Variants in PABPC4L observed in about 807,000 individuals in gnomAD.
The protein encoded by PABPC4L is polyadenylate-binding protein 4-like.
For missense variants in PABPC4L, 452 were observed against 451.4 expected (o/e 1.00, Z -0.01); for synonymous variants, 169 against 164.1 (o/e 1.03, Z -0.23).
chr4:134,162,769 G>A, the PABPC4L span, among the ~76,000 whole-genome samples: 1 of 152,004 alleles, frequency 6.6e-6, no homozygotes, highest in Non-Finnish European at 1.5e-5. Flanking sequence ...TGATTTTGGG[G>A]TTAACAATGA....
the PABPC4L span, among the ~76,000 whole-genome samples, chr4:133,976,995 A>G: frequency 6.6e-6 from 1 of 152,138 alleles, no homozygotes; most frequent in Non-Finnish European, 1.5e-5. Context: ...GCCCATGTCT[A>G]TGTCCTGAAT....
the PABPC4L span, among the ~76,000 whole-genome samples, chr4:134,149,686 A>G: frequency 6.6e-6 from 1 of 152,220 alleles, no homozygotes; most frequent in Non-Finnish European, 1.5e-5. Flanking sequence ...AGCAAATGCT[A>G]TAAGACTAGG....
the PABPC4L span, among the ~76,000 whole-genome samples, chr4:134,072,148 C>T: frequency 6.6e-6 from 1 of 152,064 alleles, no homozygotes; most frequent in Non-Finnish European, 1.5e-5. Context: ...CAACCAATGA[C>T]ATAAATCACA....
the PABPC4L span, among the ~76,000 whole-genome samples, chr4:134,151,403 G>T: frequency 1.3e-5 from 2 of 152,138 alleles, no homozygotes; most frequent in East Asian, 3.9e-4. Flanking sequence ...CTAAATTTTT[G>T]TTGGTGTTGT....
chr4:134,151,982 C>G, the PABPC4L span, among the ~76,000 whole-genome samples: 2 of 151,720 alleles, frequency 1.3e-5, no homozygotes, highest in Non-Finnish European at 2.9e-5. Flanking sequence ...CATTTTATGT[C>G]CATATCAATT....
At chr4:133,991,939 A>G in the PABPC4L span, among the ~76,000 whole-genome samples, 1 of 152,224 alleles carries the variant, frequency 6.6e-6, no homozygotes, top group East Asian at 1.9e-4. Context: ...ATGAATGGGT[A>G]GTGCAAATCA....
At chr4:134,090,968 G>T in the PABPC4L span, among the ~76,000 whole-genome samples, 1 of 151,628 alleles carries the variant, frequency 6.6e-6, no homozygotes, top group Admixed American at 6.6e-5. Context: ...AATTTTTCTG[G>T]TAATTTTTAC....
At chr4:134,082,973 A>C in the PABPC4L span, among the ~76,000 whole-genome samples, 33 of 152,276 alleles carry the variant, frequency 2.2e-4, no homozygotes, top group Admixed American at 6.5e-4. Context: ...CTGCATGAGC[A>C]CTGGGGTTAG....
chr4:134,116,050 C>G, the PABPC4L span, among the ~76,000 whole-genome samples: 1 of 151,756 alleles, frequency 6.6e-6, no homozygotes, highest in Non-Finnish European at 1.5e-5. Context: ...ATAATTGCAG[C>G]ATAAGTGGAT....
chr4:134,158,115 T>C, the PABPC4L span, among the ~76,000 whole-genome samples: 2 of 151,908 alleles, frequency 1.3e-5, no homozygotes, highest in African/African-American at 4.8e-5. Flanking sequence ...TAAATTTTAC[T>C]GGGGAATTTT....
the PABPC4L span, among the ~76,000 whole-genome samples, chr4:133,988,333 T>A: frequency 6.6e-6 from 1 of 152,180 alleles, no homozygotes; most frequent in African/African-American, 2.4e-5. Context: ...CTTCTGCCCA[T>A]GAGCCAGTAA....
chr4:134,014,689 G>A, the PABPC4L span, among the ~76,000 whole-genome samples: 40 of 151,954 alleles, frequency 2.6e-4, no homozygotes, highest in African/African-American at 7.7e-4. Context: ...AGACCATCAC[G>A]GATGCCGAGC....
At chr4:134,186,926 A>G in the PABPC4L span, among the ~76,000 whole-genome samples, 1 of 152,234 alleles carries the variant, frequency 6.6e-6, no homozygotes, top group Non-Finnish European at 1.5e-5. Context: ...TATGCAGCCA[A>G]CAGACTCATG....
the PABPC4L span, among the ~76,000 whole-genome samples, chr4:134,102,824 ATATT>A: frequency 1.3e-5 from 2 of 151,548 alleles, no homozygotes; most frequent in Non-Finnish European, 3.0e-5. Flanking sequence ...ATTTCTATAT[ATATT>A]TAAGTCTAAA....
At chr4:134,042,913 A>G in the PABPC4L span, among the ~76,000 whole-genome samples, 2 of 152,134 alleles carry the variant, frequency 1.3e-5, no homozygotes, top group Non-Finnish European at 2.9e-5. Flanking sequence ...TTTTCCTGTC[A>G]TTAAAATAAA....
the PABPC4L span, among the ~76,000 whole-genome samples, chr4:134,127,905 G>T: frequency 6.6e-6 from 1 of 151,758 alleles, no homozygotes; most frequent in African/African-American, 2.4e-5. Context: ...AAAAAAAGAA[G>T]AATTGATACA....
the PABPC4L span, among the ~76,000 whole-genome samples, chr4:134,184,208 C>T: frequency 1.3e-5 from 2 of 151,752 alleles, no homozygotes; most frequent in East Asian, 3.9e-4. Context: ...TGATTTATGG[C>T]ACTATATCAT....
At chr4:134,042,825 G>A in the PABPC4L span, among the ~76,000 whole-genome samples, 1 of 152,118 alleles carries the variant, frequency 6.6e-6, no homozygotes, top group Non-Finnish European at 1.5e-5. Context: ...GTGAGAAGGA[G>A]AGACAAAGTT....
the PABPC4L span, among the ~76,000 whole-genome samples, chr4:134,015,419 C>T: frequency 1.3e-5 from 2 of 152,098 alleles, no homozygotes; most frequent in South Asian, 2.1e-4. Context: ...GGATCTCAAA[C>T]ATGCTTTCTT....
Sources: gnomAD v4.1 joint callset for allele counts (sites outside exome capture counted in the v4.1 genomes callset) on GRCh38, gnomAD v4.1.1 for gene constraint, MANE v1.5 for transcripts, NCBI Gene and HGNC (gene_info 2026-07-23, HGNC 2026-07-21) for gene names.